The following AAK1 variants were observed in gnomAD, a reference collection of about 807,000 sequenced individuals.
The protein encoded by AAK1 is AP2-associated protein kinase 1.
In AAK1, 37 loss-of-function variants were observed where a neutral mutation model predicts 116.0. That is an observed-to-expected ratio of 0.32 (90% CI 0.25 to 0.42). The LOEUF (loss-of-function observed/expected upper bound fraction) is 0.42, where lower values mean the gene tolerates loss of function less well. AAK1 is among the 10% of genes least tolerant of loss of function. AAK1 has a pLI of 1.00. For synonymous variants in AAK1, 458 were observed against 439.9 expected, an observed-to-expected ratio of 1.04 and a Z score of -0.51; for missense variants, 919 against 1,170.6, an observed-to-expected ratio of 0.79 and a Z score of 3.14.
Position 69,471,427 on chromosome 2 carries a change from GTTGA to G in AAK1, c.*4438_*4441del. ...TGGAAAAAGAAAAGGCTGACTTTGTGTTGATAAAATTATAGCCTTTAGAGAGGAA... is the reference window on the plus strand; with the variant it reads ...TGGAAAAAGAAAAGGCTGACTTTGTGTAAAATTATAGCCTTTAGAGAGGAA... On this transcript the variant is annotated 3_prime_UTR_variant, in exon 22 of 22. Transcript: ENST00000409085. 1 of 985,474 alleles carries G rather than the reference GTTGA, an allele frequency of 1.0e-6. No individual in the cohort carries two copies. Among genetic ancestry groups the G allele is most frequent in the South Asian group, 4.7e-5 (1 of 21,288 alleles). The allele number at this position is 985,474 out of a possible 1,614,324, so 61.0% of individuals were successfully genotyped here. A position where few individuals can be genotyped will look rare whatever the true frequency, so the allele number is the denominator to read the frequency against.
chr2:69,603,297 T>C (rs1227553899), intron 2 of AAK1, among the ~76,000 whole-genome samples: 1 of 152,170 alleles, frequency 6.6e-6, no homozygotes, highest in Non-Finnish European at 1.5e-5. Flanking sequence ...TCACAGTCCA[T>C]GACACTGTGG....
intron 5 of AAK1, among the ~76,000 whole-genome samples, chr2:69,534,309 G>A (rs1300652845): frequency 6.6e-6 from 1 of 152,168 alleles, no homozygotes; most frequent in Non-Finnish European, 1.5e-5. Context: ...TTATATTCCT[G>A]CTACAGGAAG....
At chr2:69,512,070 C>T (rs1040180781) in intron 13 of AAK1, among the ~76,000 whole-genome samples, 2 of 152,204 alleles carry the variant, frequency 1.3e-5, no homozygotes, top group African/African-American at 4.8e-5. Flanking sequence ...GCCCATGTCT[C>T]CTGACTGTGG....
rs528260406 is a variant in AAK1 at position 69,516,042 on chromosome 2, C to T, written c.1498-1293G>A. On this transcript the variant is annotated intron_variant, in intron 12 of 21. Transcript: ENST00000409085. Reference sequence around the variant, plus strand: ...GGGATGGACTTTTGCAGATTTAACTCTGAAACTATGTAAATGTTTCACATA... The same window carrying T: ...GGGATGGACTTTTGCAGATTTAACTTTGAAACTATGTAAATGTTTCACATA... Among the ~76,000 whole-genome samples, 526 of 152,232 alleles carry T rather than the reference C, an allele frequency of 3.5e-3. 1 individual carries two copies. The highest frequency in any genetic ancestry group is 5.7e-3 in the Non-Finnish European group (388 of 68,006).
chr2:69,503,759 G>A (rs1474064853), intron 16 of AAK1, among the ~76,000 whole-genome samples: 1 of 152,174 alleles, frequency 6.6e-6, no homozygotes, highest in Admixed American at 6.5e-5. Flanking sequence ...GACCTTAAGC[G>A]ATCTGCCCAC....
chr2:69,507,048 G>T (rs1175281701), intron 15 of AAK1, among the ~76,000 whole-genome samples: 1 of 152,116 alleles, frequency 6.6e-6, no homozygotes, highest in African/African-American at 2.4e-5. Flanking sequence ...ACAAGCAGTG[G>T]CAACTTTCTG....
intron 5 of AAK1, among the ~76,000 whole-genome samples, chr2:69,537,963 T>C (rs1670546475): frequency 6.6e-6 from 1 of 152,202 alleles, no homozygotes; most frequent in Non-Finnish European, 1.5e-5. Context: ...AGTGAACAAA[T>C]TGGCAGCATG....
At chr2:69,539,570 T>C (rs150368498) in intron 5 of AAK1, among the ~76,000 whole-genome samples, 126 of 152,356 alleles carry the variant, frequency 8.3e-4, no homozygotes, top group African/African-American at 2.9e-3. Flanking sequence ...CTGCCTGTTC[T>C]GAAATACATG....
intron 16 of AAK1, chr2:69,499,745 G>GA (rs1167655322): frequency 1.3e-5 from 2 of 151,948 alleles, no homozygotes; most frequent in African/African-American, 4.8e-5. Context: ...ATATTTAAAA[G>GA]AAAAAAAGCA....
At chr2:69,637,801 C>G (rs577563138) in intron 2 of AAK1, among the ~76,000 whole-genome samples, 1 of 152,226 alleles carries the variant, frequency 6.6e-6, no homozygotes, top group South Asian at 2.1e-4. Context: ...TTTATCAAAC[C>G]TTTCTTGTGT....
chr2:69,561,262 A>T (rs1431079930), intron 2 of AAK1, among the ~76,000 whole-genome samples: 1 of 152,206 alleles, frequency 6.6e-6, no homozygotes, highest in Non-Finnish European at 1.5e-5. Flanking sequence ...ATGTTCCACA[A>T]AGTTAAAAGA....
intron 2 of AAK1, among the ~76,000 whole-genome samples, chr2:69,608,867 T>C (rs1673932115): frequency 6.6e-6 from 1 of 152,256 alleles, no homozygotes. Flanking sequence ...CCATTTCATT[T>C]ACAATGCATC....
intron 6 of AAK1, among the ~76,000 whole-genome samples, chr2:69,531,160 G>A (rs906864441): frequency 1.3e-5 from 2 of 152,164 alleles, no homozygotes; most frequent in Admixed American, 6.5e-5. Flanking sequence ...ATGGAATCAA[G>A]AGCCCTTCCT....
chr2:69,541,338 C>T (rs1042241242), intron 5 of AAK1, among the ~76,000 whole-genome samples: 3 of 149,008 alleles, frequency 2.0e-5, no homozygotes, highest in Non-Finnish European at 4.4e-5. Flanking sequence ...GCAAGTGATT[C>T]TCATGCCTCC....
At chr2:69,615,732 C>T (rs1001345886) in intron 2 of AAK1, among the ~76,000 whole-genome samples, 9 of 152,196 alleles carry the variant, frequency 5.9e-5, no homozygotes, top group Admixed American at 1.3e-4. Context: ...ATTCACTTCC[C>T]GGACTTGAAA....
chr2:69,516,327 A>C (rs1676579992), intron 12 of AAK1, among the ~76,000 whole-genome samples: 1 of 151,748 alleles, frequency 6.6e-6, no homozygotes, highest in Admixed American at 6.6e-5. Flanking sequence ...AAAAAAAAAA[A>C]CAACAAAATC....
intron 2 of AAK1, among the ~76,000 whole-genome samples, chr2:69,572,817 T>C (rs1000031983): frequency 8.6e-5 from 13 of 152,032 alleles, no homozygotes; most frequent in Admixed American, 3.3e-4. Context: ...CCAAAAGACC[T>C]GAGAGGTCAA....
chr2:69,477,259 T>C (rs1420511882), intron 20 of AAK1, among the ~76,000 whole-genome samples: 1 of 152,150 alleles, frequency 6.6e-6, no homozygotes, highest in Non-Finnish European at 1.5e-5. Context: ...AGACATTAAT[T>C]ATAATTATTG....
At chr2:69,557,301 CT>C (rs869066825) in intron 2 of AAK1, among the ~76,000 whole-genome samples, 14,754 of 136,626 alleles carry the variant, frequency 0.11, 1,909 homozygotes, top group African/African-American at 0.33. Context: ...ATCCTATGTA[CT>C]TTTTTTTTTT....
Sources: allele counts gnomAD v4.1 joint callset (sites outside exome capture counted in the v4.1 genomes callset), GRCh38; gene constraint gnomAD v4.1.1; transcripts MANE v1.5; gene names NCBI Gene and HGNC (gene_info 2026-07-23, HGNC 2026-07-21).